Variants in CYP4F3 observed in about 807,000 individuals in gnomAD.
CYP4F3 encodes the protein cytochrome P450 family 4 subfamily F member 3.
CYP4F3 carries 50 observed loss-of-function variants against 54.8 expected under a neutral mutation model. The ratio of observed to expected loss-of-function variants is 0.91; its 90% CI spans 0.73 to 1.16. The LOEUF (loss-of-function observed/expected upper bound fraction) is 1.16. CYP4F3 is among the 50% of genes most tolerant of loss of function. The pLI, the probability that CYP4F3 is intolerant of heterozygous loss-of-function variation, is 0.00. For synonymous variants in CYP4F3, 244 were observed against 262.6 expected, an observed-to-expected ratio of 0.93 and a Z score of 0.69; for missense variants, 715 against 676.2, an observed-to-expected ratio of 1.06 and a Z score of -0.64.
chr19:15,641,422 C>G lies in CYP4F3; in HGVS notation c.7C>G (p.Gln3Glu). MP[Q>E]LSLSSLGLWP... ...ACCCCATCTGCCCTGCAGGATGCCA[C>G]AGCTGAGCCTGTCCTCGCTGGGCCT... Residue 3 changes from glutamine (Q) to glutamate (E), a missense_variant, in exon 2 of 13, where the codon CAG (glutamine) becomes GAG (glutamate). Transcript: ENST00000221307. 1 of 1,614,178 alleles carries G rather than the reference C, an allele frequency of 6.2e-7. No individual in the cohort carries two copies. Among genetic ancestry groups the G allele is most frequent in the African/African-American group, 1.3e-5 (1 of 75,056 alleles).
chr19:15,653,316 C>A (rs1430858337), intron 9 of CYP4F3, among the ~76,000 whole-genome samples: 2 of 152,176 alleles, frequency 1.3e-5, no homozygotes, highest in Admixed American at 1.3e-4. Flanking sequence ...AATTCCTACC[C>A]TTCCATCCAG....
Position 15,650,027 on chromosome 19 carries a change from G to A in CYP4F3, c.762G>A (p.Gln254=). Residue 254 remains glutamine, a synonymous_variant, in exon 7 of 13, where the codon CAG becomes CAA. Transcript: ENST00000221307. The stretch of plus-strand genomic sequence containing the variant: ...TGTATTATCTCACCCCTGATGGGCA[G>A]CGTTTCCGCAGGGCCTGCCGCCTGG... The part of the protein sequence containing the change: ...DFLYYLTPDG[Q]RFRRACRLVH... 6.2e-7 allele frequency: 1 copy of A among 1,614,194 alleles called. No individual in the cohort carries two copies. Among genetic ancestry groups the A allele is most frequent in the Non-Finnish European group, 8.5e-7 (1 of 1,180,038 alleles).
At chr19:15,641,137 A>G (rs1290313867) in intron 1 of CYP4F3, among the ~76,000 whole-genome samples, 192 bp downstream of exon 1, 1 of 152,186 alleles carries the variant, frequency 6.6e-6, no homozygotes, top group African/African-American at 2.4e-5. Context: ...AGCCCCTGGC[A>G]ACGTCCTAAT....
At chr19:15,641,658 A>C in intron 2 of CYP4F3, 45 bp downstream of exon 2, 1 of 1,582,906 alleles carries the variant, frequency 6.3e-7, no homozygotes, top group Non-Finnish European at 8.7e-7. Context: ...GGGTGGATGG[A>C]CTTCCTGAGG....
chr19:15,641,735 C>T (rs942042089), intron 2 of CYP4F3, 122 bp downstream of exon 2: 25 of 1,123,658 alleles, frequency 2.2e-5, no homozygotes, highest in African/African-American at 3.1e-5. Context: ...GCAGGGGAGG[C>T]GTCTTACTCA....
chr19:15,655,083 T>C (rs968102955), intron 9 of CYP4F3, among the ~76,000 whole-genome samples: 2 of 152,278 alleles, frequency 1.3e-5, no homozygotes, highest in African/African-American at 4.8e-5. Flanking sequence ...GATGAGATGA[T>C]ATCTCATTGT....
At chr19:15,659,113 C>T in intron 12 of CYP4F3, 107 bp from the exon 13 acceptor site, 3 of 1,412,212 alleles carry the variant, frequency 2.1e-6, no homozygotes. Flanking sequence ...TTCTCTGTTC[C>T]TCAAACTGCT....
chr19:15,642,268 T>A (rs865903847), intron 2 of CYP4F3, among the ~76,000 whole-genome samples: 2 of 152,176 alleles, frequency 1.3e-5, no homozygotes, highest in Middle Eastern at 3.2e-3. Context: ...GCAGGATTGA[T>A]GGGTGTGTCC....
chr19:15,647,456 C>T (rs1423242210), intron 5 of CYP4F3, 132 bp downstream of exon 5: 2 of 1,450,438 alleles, frequency 1.4e-6, no homozygotes, highest in East Asian at 2.3e-5. Context: ...TTGGTTTCCT[C>T]ATCTGTAAAA....
chr19:15,659,238 G>A lies in CYP4F3; in HGVS notation c.1416G>A (p.Ala472=), dbSNP rs1568404701. 12 of 1,610,564 alleles carry A rather than the reference G, an allele frequency of 7.5e-6. No homozygotes were observed. Among genetic ancestry groups the A allele is most frequent in the East Asian group, 2.2e-5 (1 of 44,788 alleles). Residue 472 remains alanine, a synonymous_variant, in exon 13 of 13, where the codon GCG becomes GCA. Transcript: ENST00000221307. ...SAGPRNCIGQ[A]FAMAEMKVVL... is the part of the protein sequence containing the mutation. ...CCCCAAGGAACTGCATCGGGCAGGC[G>A]TTCGCGATGGCGGAGATGAAGGTGG...
intron 9 of CYP4F3, among the ~76,000 whole-genome samples, chr19:15,656,469 T>C (rs10419847): frequency 0.02 from 1,377 of 70,246 alleles, 17 homozygotes; most frequent in East Asian, 0.09. Context: ...ATAGATTTGT[T>C]TATCTATCTA....
At position 15,658,471 on chromosome 19, in the gene CYP4F3, T is replaced by C; in HGVS notation, c.1250-20T>C. 1 of 1,614,176 alleles carries C rather than the reference T, an allele frequency of 6.2e-7. No individual in the cohort carries two copies. The highest frequency in any genetic ancestry group is 8.5e-7 in the Non-Finnish European group (1 of 1,180,026). On this transcript the variant is annotated intron_variant, in intron 10 of 12. Transcript: ENST00000221307. ...CTCAGGCAGGGAGCATTGTCCTGACTGCCCCCTTCTCTCCCACAGGCATTA... is the reference window on the plus strand; with the variant it reads ...CTCAGGCAGGGAGCATTGTCCTGACCGCCCCCTTCTCTCCCACAGGCATTA...
chr19:15,658,190 T>A (rs1311443321), intron 9 of CYP4F3, 74 bp from the exon 10 acceptor site: 2 of 1,580,092 alleles, frequency 1.3e-6, no homozygotes, highest in East Asian at 4.5e-5. Context: ...AAGGTCTCAC[T>A]TGCAAACAGA....
chr19:15,645,645 C>T (rs918597707), intron 2 of CYP4F3, 74 bp from the exon 3 acceptor site: 2 of 1,502,248 alleles, frequency 1.3e-6, no homozygotes, highest in Non-Finnish European at 1.8e-6. Context: ...AGAGGGCTTC[C>T]ACCTCTTCCC....
Position 15,661,339 on chromosome 19 carries a change from T to C in CYP4F3, c.*1954T>C, listed in dbSNP as rs1218120081. On this transcript the variant is annotated 3_prime_UTR_variant, in exon 13 of 13. Transcript: ENST00000221307. The stretch of plus-strand genomic sequence containing the variant: ...CAAAACAAAACACTGCCAAACTGTT[T>C]CCAAAGCATCTGCATCGTGTTTAAT... The C allele has an allele frequency of 6.6e-6, 1 of 152,152 alleles. No homozygotes were observed. Among genetic ancestry groups the C allele is most frequent in the Admixed American group, 6.5e-5 (1 of 15,276 alleles). The allele number at this position is 152,152 out of a possible 1,614,324, so 9.4% of individuals were successfully genotyped here. A position where few individuals can be genotyped will look rare whatever the true frequency, so the allele number is the denominator to read the frequency against.
chr19:15,658,783 T>C lies in CYP4F3; in HGVS notation c.1371T>C (p.Ala457=). The stretch of plus-strand genomic sequence containing the variant: ...ACATCAAGGAGAGGTCACCTCTGGC[T>C]TTTATTCCCTTCTCAGCAGGGCCCA... The part of the protein sequence containing the change: ...PKNIKERSPL[A]FIPFSAGPRN... The change falls in exon 12 of 13, where the codon GCT becomes GCC. Residue 457 remains alanine (A), a synonymous_variant. Coordinates refer to ENST00000221307, the MANE Select transcript of CYP4F3 (RefSeq NM_000896.3). 1 of 1,614,104 alleles carries C rather than the reference T, an allele frequency of 6.2e-7. No individual in the cohort carries two copies. The highest frequency in any genetic ancestry group is 8.5e-7 in the Non-Finnish European group (1 of 1,180,002).
intron 2 of CYP4F3, among the ~76,000 whole-genome samples, chr19:15,642,397 C>G (rs780184770): frequency 2.0e-5 from 3 of 152,166 alleles, no homozygotes; most frequent in Non-Finnish European, 4.4e-5. Context: ...CCCCTAGTGA[C>G]TGCTGAGAAG....
At chr19:15,643,403 TAAATAGATAG>T (rs1443512386) in intron 2 of CYP4F3, among the ~76,000 whole-genome samples, 7 of 47,162 alleles carry the variant, frequency 1.5e-4, no homozygotes, top group African/African-American at 8.7e-4. Flanking sequence ...TATATATAGG[TAAATAGATAG>T]ATAGATAGAT....
chr19:15,645,731 G>A lies in CYP4F3; in HGVS notation c.211G>A (p.Glu71Lys). The A allele has an allele frequency of 6.2e-7, 1 of 1,610,184 alleles. No homozygotes were observed. Among genetic ancestry groups the A allele is most frequent in the Non-Finnish European group, 8.5e-7 (1 of 1,177,098 alleles). ...LGHLGLIHSS[E>K]EGLLYTQSLA... ...TCTTTCTCTCCAGATTCACAGCTCG[G>A]AGGAAGGTCTCCTATACACACAAAG... Residue 71 changes from glutamate to lysine, a missense_variant, in exon 3 of 13, where the codon GAG becomes AAG. By Grantham distance (56) the Glu-to-Lys change is moderately conservative (BLOSUM62 1). Coordinates refer to ENST00000221307, the MANE Select transcript of CYP4F3 (RefSeq NM_000896.3).
Sources: gnomAD v4.1 joint callset for allele counts (sites outside exome capture counted in the v4.1 genomes callset) on GRCh38, gnomAD v4.1.1 for gene constraint, MANE v1.5 for transcripts, NCBI Gene and HGNC (gene_info 2026-07-23, HGNC 2026-07-21) for gene names.